Variants in ST8SIA1 observed in about 807,000 individuals in gnomAD.
ST8SIA1 encodes the protein alpha-N-acetylneuraminide alpha-2,8-sialyltransferase.
Under a neutral mutation model 35.9 loss-of-function variants are expected in ST8SIA1, and 16 were observed. That is an observed-to-expected ratio of 0.45 (90% confidence interval 0.30 to 0.68). The LOEUF is 0.68. ST8SIA1 is among the 30% of genes least tolerant of loss of function. ST8SIA1 has a pLI of 0.09. For missense variants in ST8SIA1, 383 were observed against 453.6 expected (o/e 0.84, Z 1.41); for synonymous variants, 170 against 169.6 (o/e 1.00, Z -0.02).
chr12:22,259,060 C>A (rs569839359), intron 2 of ST8SIA1, among the ~76,000 whole-genome samples: 1 of 152,098 alleles, frequency 6.6e-6, no homozygotes, highest in Non-Finnish European at 1.5e-5. Flanking sequence ...CATGGAAGTC[C>A]ACTCATCTTC....
At chr12:22,274,819 T>C (rs1320170363) in intron 2 of ST8SIA1, among the ~76,000 whole-genome samples, 6 of 152,218 alleles carry the variant, frequency 3.9e-5, no homozygotes, top group Non-Finnish European at 7.3e-5. Context: ...ATTTCATCAT[T>C]CATTCAGCAC....
At position 22,274,715 on chromosome 12, in the gene ST8SIA1, C is replaced by G. The variant is rs183706402; in HGVS notation, c.381+12434G>C. ...CACGCTCTATCGTGAGCATCCAGGA[C>G]CTTTCCTTCTTCCATCGCTGTTGCC... On this transcript the variant is annotated intron_variant, in intron 2 of 4. Transcript: ENST00000396037. Among the ~76,000 whole-genome samples the G allele has an allele frequency of 7.9e-5, 12 of 152,314 alleles. No individual in the cohort carries two copies. The Middle Eastern group carries it at 0.014, about 173-fold the overall frequency.
At chr12:22,250,422 T>C (rs1865655874) in intron 3 of ST8SIA1, among the ~76,000 whole-genome samples, 2 of 152,302 alleles carry the variant, frequency 1.3e-5, no homozygotes, top group South Asian at 4.1e-4. Context: ...AATAATTAAA[T>C]ATGTATTTAT....
chr12:22,222,255 G>C (rs1270268851), intron 4 of ST8SIA1, among the ~76,000 whole-genome samples: 1 of 152,140 alleles, frequency 6.6e-6, no homozygotes, highest in Non-Finnish European at 1.5e-5. Flanking sequence ...TCATCCCTCA[G>C]AATCTCCAAG....
At chr12:22,325,314 G>A (rs748194346) in intron 1 of ST8SIA1, 7 of 618,128 alleles carry the variant, frequency 1.1e-5, no homozygotes, top group Non-Finnish European at 2.0e-5. Flanking sequence ...TGGTCACCTG[G>A]AAATCTCTGA....
intron 1 of ST8SIA1, among the ~76,000 whole-genome samples, chr12:22,299,432 G>C (rs540236682): frequency 6.6e-6 from 1 of 152,042 alleles, no homozygotes; most frequent in Non-Finnish European, 1.5e-5. Flanking sequence ...TAGAATAAAA[G>C]GTCTGGTTGT....
chr12:22,218,224 T>C (rs1196684670), intron 4 of ST8SIA1, among the ~76,000 whole-genome samples: 1 of 151,844 alleles, frequency 6.6e-6, no homozygotes. Context: ...CTCAGGAGGC[T>C]GAGACACAAG....
In ST8SIA1 at chr12:22,256,443, G is replaced by A. The variant is rs547770963; in HGVS notation, c.382-1054C>T. ...AGAATTTCCTGCTTGCTGAAACGACGCAGAGCAGCTGGAGTTCTTTAGGGA... is the reference window on the plus strand; with the variant it reads ...AGAATTTCCTGCTTGCTGAAACGACACAGAGCAGCTGGAGTTCTTTAGGGA... On this transcript the variant is annotated intron_variant, in intron 2 of 4. Transcript: ENST00000396037. Among the ~76,000 whole-genome samples, 26 of 152,322 alleles carry A rather than the reference G, an allele frequency of 1.7e-4. No homozygotes were observed. The South Asian group carries it at 3.7e-3, about 22-fold the overall frequency.
At chr12:22,321,740 G>A (rs80129251) in intron 1 of ST8SIA1, among the ~76,000 whole-genome samples, 1,699 of 152,306 alleles carry the variant, frequency 0.011, 26 homozygotes, top group African/African-American at 0.039. Context: ...AGTTGGAGCA[G>A]TTATTAGGAA....
intron 4 of ST8SIA1, among the ~76,000 whole-genome samples, chr12:22,247,283 C>T (rs888238618): frequency 2.6e-5 from 4 of 152,126 alleles, no homozygotes; most frequent in Non-Finnish European, 5.9e-5. Context: ...TTTCATTTCC[C>T]TCCAAAGGAA....
At chr12:22,205,434 G>A (rs947604714) in intron 4 of ST8SIA1, among the ~76,000 whole-genome samples, 2 of 152,160 alleles carry the variant, frequency 1.3e-5, no homozygotes, top group Middle Eastern at 3.4e-3. Context: ...AAACAGAGTG[G>A]AAAGGACAAA....
chr12:22,238,585 T>C (rs372322768), intron 4 of ST8SIA1, among the ~76,000 whole-genome samples: 30 of 152,328 alleles, frequency 2.0e-4, no homozygotes, highest in African/African-American at 6.7e-4. Flanking sequence ...ACGTGAAAGA[T>C]ACTAAAATTA....
intron 1 of ST8SIA1, among the ~76,000 whole-genome samples, chr12:22,304,932 TCTTTCAGTAC>T (rs1039412160): frequency 6.6e-6 from 1 of 152,234 alleles, no homozygotes; most frequent in Non-Finnish European, 1.5e-5. Context: ...CCAGACTTTT[TCTTTCAGTAC>T]CTTGAGATGT....
Position 22,193,988 on chromosome 12 carries a change from C to T in ST8SIA1, c.*7564G>A, listed in dbSNP as rs1471018656. On this transcript the variant is annotated 3_prime_UTR_variant, in exon 5 of 5. Coordinates refer to ENST00000396037, the MANE Select transcript of ST8SIA1 (RefSeq NM_003034.4). ...AATAGAATTAAAGAGACCAAAAAGA[C>T]ACCTTTTTCCCCAGTGCTTTTTAGA... The T allele has an allele frequency of 6.6e-6, 1 of 152,186 alleles. No individual in the cohort carries two copies. The highest frequency in any genetic ancestry group is 2.4e-5 in the African/African-American group (1 of 41,450). The allele number at this position is 152,186 out of a possible 1,614,324, so 9.4% of individuals were successfully genotyped here. A position where few individuals can be genotyped will look rare whatever the true frequency, so the allele number is the denominator to read the frequency against.
At chr12:22,215,876 G>A (rs576679815) in intron 4 of ST8SIA1, among the ~76,000 whole-genome samples, 180 of 152,194 alleles carry the variant, frequency 1.2e-3, no homozygotes, top group African/African-American at 4.1e-3. Flanking sequence ...TGTTTCCTCT[G>A]CCAGCAACAA....
chr12:22,306,567 T>C (rs1299668008), intron 1 of ST8SIA1, among the ~76,000 whole-genome samples: 3 of 152,212 alleles, frequency 2.0e-5, no homozygotes, highest in African/African-American at 4.8e-5. Context: ...AGTGTTTCTA[T>C]TCAGTAATCT....
chr12:22,206,747 AAACAAG>A (rs1177859209), intron 4 of ST8SIA1, among the ~76,000 whole-genome samples: 2 of 152,226 alleles, frequency 1.3e-5, no homozygotes, highest in African/African-American at 4.8e-5. Context: ...TCCAGTCACC[AAACAAG>A]AACACACAGC....
chr12:22,305,788 C>T (rs1167371812), intron 1 of ST8SIA1, among the ~76,000 whole-genome samples: 1 of 152,120 alleles, frequency 6.6e-6, no homozygotes, highest in African/African-American at 2.4e-5. Flanking sequence ...ACTATAAACC[C>T]AGCCCAAAAC....
intron 4 of ST8SIA1, among the ~76,000 whole-genome samples, chr12:22,205,925 T>A (rs544340382): frequency 6.6e-6 from 1 of 152,246 alleles, no homozygotes; most frequent in Admixed American, 6.5e-5. Context: ...TGAGAAATAT[T>A]TACAGCAAAT....
Sources: allele counts gnomAD v4.1 joint callset (sites outside exome capture counted in the v4.1 genomes callset), GRCh38; gene constraint gnomAD v4.1.1; transcripts MANE v1.5; gene names NCBI Gene and HGNC (gene_info 2026-07-23, HGNC 2026-07-21).